The following OSCP1 variants were observed in gnomAD, a reference collection of about 807,000 sequenced individuals.
OSCP1 encodes the protein organic solute carrier partner 1, also known as protein OSCP1.
A neutral mutation model predicts 45.1 loss-of-function variants in OSCP1; 35 were observed. The observed-to-expected ratio is 0.78, with a 90% CI of 0.59 to 1.03. OSCP1 has a LOEUF of 1.03. Ranked by LOEUF, OSCP1 falls within the 50% of genes least tolerant of loss-of-function variation. OSCP1 has a pLI of 0.00. For synonymous variants in OSCP1, 179 were observed against 180.1 expected, an observed-to-expected ratio of 0.99 and a Z score of 0.05; for missense variants, 400 against 470.7, an observed-to-expected ratio of 0.85 and a Z score of 1.39.
At chr1:36,424,174 C>T (rs1302567411) in intron 4 of OSCP1, among the ~76,000 whole-genome samples, 1 of 152,140 alleles carries the variant, frequency 6.6e-6, no homozygotes, top group Non-Finnish European at 1.5e-5. Context: ...ATCCTAAGCC[C>T]AAGTGATCTG....
rs1649840907 is a variant in OSCP1 at position 36,450,451 on chromosome 1, T to G, written c.-82A>C. On this transcript the variant is annotated 5_prime_UTR_variant, in exon 1 of 10. Transcript: ENST00000235532. Reference sequence around the variant, plus strand: ...TGAAGGCCAGGCCGCAGCGTCCCAATAGTCCGGTTGCTGGGGCAACGCCGT... The same window carrying G: ...TGAAGGCCAGGCCGCAGCGTCCCAAGAGTCCGGTTGCTGGGGCAACGCCGT... The G allele has an allele frequency of 1.7e-6, 2 of 1,167,870 alleles. No homozygotes were observed. Among genetic ancestry groups the G allele is most frequent in the South Asian group, 2.5e-5 (2 of 78,510 alleles). 72.3% of individuals were successfully genotyped at this position (1,167,870 alleles called of 1,614,324 possible).
At chr1:36,422,008 C>T (rs547963709) in intron 7 of OSCP1, 142 bp downstream of exon 7, 9 of 762,402 alleles carry the variant, frequency 1.2e-5, no homozygotes, top group Admixed American at 6.6e-5. Flanking sequence ...CCTGTGTACT[C>T]GTAAGGTGGA....
At chr1:36,418,641 G>A (rs1647418839) in intron 9 of OSCP1, 1 of 336,738 alleles carries the variant, frequency 3.0e-6, no homozygotes, top group African/African-American at 2.2e-5. Context: ...GGGAGGCTGG[G>A]TACGGTGGCT....
At chr1:36,435,085 CTTTTT>C in intron 2 of OSCP1, among the ~76,000 whole-genome samples, 1 of 139,842 alleles carries the variant, frequency 7.2e-6, no homozygotes, top group South Asian at 2.3e-4. Context: ...CTTTTCTTTT[CTTTTT>C]CTTTTTTTTT....
intron 4 of OSCP1, among the ~76,000 whole-genome samples, chr1:36,424,197 T>C (rs1046973034): frequency 1.1e-4 from 16 of 152,266 alleles, no homozygotes; most frequent in African/African-American, 3.6e-4. Flanking sequence ...TGCCTCGGCC[T>C]CCCAAAGTGC....
chr1:36,423,542 C>T (rs984952791), intron 4 of OSCP1, 76 bp from the exon 5 acceptor site: 18 of 1,203,590 alleles, frequency 1.5e-5, no homozygotes, highest in Admixed American at 1.9e-5. Context: ...GTGGAAAGTG[C>T]GTAATGGTTT....
chr1:36,423,547 T>C (rs1647782845), intron 4 of OSCP1, 81 bp from the exon 5 acceptor site: 2 of 1,136,804 alleles, frequency 1.8e-6, no homozygotes. Context: ...AAGTGCGTAA[T>C]GGTTTGGGAA....
intron 4 of OSCP1, among the ~76,000 whole-genome samples, chr1:36,429,241 G>C (rs1040819207): frequency 1.3e-5 from 2 of 152,074 alleles, no homozygotes; most frequent in Non-Finnish European, 2.9e-5. Flanking sequence ...CAAAAAATTA[G>C]CCAGGCGTGG....
chr1:36,419,203 C>T (rs1647465590), intron 8 of OSCP1, 149 bp from the exon 9 acceptor site: 2 of 693,310 alleles, frequency 2.9e-6, no homozygotes, highest in Non-Finnish European at 5.1e-6. Flanking sequence ...CACCAATGTA[C>T]CCTACGACCT....
At chr1:36,437,734 G>T (rs1023322204) in intron 2 of OSCP1, among the ~76,000 whole-genome samples, 6 of 152,098 alleles carry the variant, frequency 3.9e-5, no homozygotes, top group African/African-American at 1.4e-4. Flanking sequence ...GGCCAGACTG[G>T]TCTCGAACTC....
At chr1:36,435,558 T>G (rs1648671126) in intron 2 of OSCP1, among the ~76,000 whole-genome samples, 1 of 152,214 alleles carries the variant, frequency 6.6e-6, no homozygotes, top group African/African-American at 2.4e-5. Context: ...TTAATTATCC[T>G]AATAATTGAT....
intron 2 of OSCP1, 140 bp from the exon 3 acceptor site, chr1:36,432,729 C>T (rs1648457417): frequency 3.2e-6 from 3 of 937,732 alleles, no homozygotes; most frequent in East Asian, 2.6e-5. Context: ...TATCACTTAT[C>T]ACCCAAACCA....
chr1:36,446,313 G>A (rs1649534436), intron 1 of OSCP1, among the ~76,000 whole-genome samples: 1 of 152,232 alleles, frequency 6.6e-6, no homozygotes. Context: ...GTGAGCCACT[G>A]CGCCCGGCCC....
At chr1:36,426,895 G>C (rs1478464076) in intron 4 of OSCP1, among the ~76,000 whole-genome samples, 1 of 151,976 alleles carries the variant, frequency 6.6e-6, no homozygotes, top group African/African-American at 2.4e-5. Flanking sequence ...TAGTAGGGAC[G>C]GGGTTTCACC....
At chr1:36,418,288 A>G in intron 9 of OSCP1, 33 bp from the exon 10 acceptor site, 1 of 1,607,716 alleles carries the variant, frequency 6.2e-7, no homozygotes, top group South Asian at 1.1e-5. Flanking sequence ...AAGGGCATGA[A>G]GAGGCTGTGC....
chr1:36,438,709 A>G, intron 2 of OSCP1, 47 bp downstream of exon 2: 2 of 1,563,068 alleles, frequency 1.3e-6, no homozygotes, highest in Non-Finnish European at 8.6e-7. Flanking sequence ...CATCCACAAA[A>G]GGTACAAAAA....
chr1:36,439,391 C>A (rs1278784790), intron 1 of OSCP1, among the ~76,000 whole-genome samples: 1 of 151,944 alleles, frequency 6.6e-6, no homozygotes, highest in African/African-American at 2.4e-5. Flanking sequence ...GGTGTGGTGG[C>A]GGGCCTGGAA....
chr1:36,444,565 C>T (rs956372784), intron 1 of OSCP1, among the ~76,000 whole-genome samples: 9 of 151,978 alleles, frequency 5.9e-5, no homozygotes, highest in Admixed American at 5.9e-4. Context: ...AGGAAAATGT[C>T]AGCATTTGTT....
intron 4 of OSCP1, among the ~76,000 whole-genome samples, chr1:36,429,535 A>ATTTTTTTTCTTTTTTT (rs1648211753): frequency 1.0e-5 from 1 of 100,286 alleles, no homozygotes; most frequent in African/African-American, 4.2e-5. Context: ...GAAGCTTAGA[A>ATTTTTTTTCTTTTTTT]TTTTTTTTTT....
Sources: allele counts gnomAD v4.1 joint callset (sites outside exome capture counted in the v4.1 genomes callset), GRCh38; gene constraint gnomAD v4.1.1; transcripts MANE v1.5; gene names NCBI Gene and HGNC (gene_info 2026-07-23, HGNC 2026-07-21).